Variants in SHQ1 observed in about 807,000 individuals in gnomAD.
The protein encoded by SHQ1 is SHQ1, H/ACA ribonucleoprotein assembly factor.
SHQ1 carries 49 observed loss-of-function variants against 53.8 expected under a neutral mutation model. That is an observed-to-expected ratio of 0.91 (90% CI 0.72 to 1.16). The LOEUF is 1.16. SHQ1 is among the 50% of genes most tolerant of loss of function. The pLI is 0.00. For missense variants in SHQ1, 738 were observed against 683.1 expected, an observed-to-expected ratio of 1.08 and a Z score of -0.90; for synonymous variants, 243 against 251.0, an observed-to-expected ratio of 0.97 and a Z score of 0.30.
the SHQ1 span, among the ~76,000 whole-genome samples, chr3:72,735,749 G>GC: frequency 1.0e-3 from 126 of 124,850 alleles, no homozygotes; most frequent in African/African-American, 3.5e-3. Flanking sequence ...AGGAAGGAAG[G>GC]AAGGCAGGCA....
At chr3:72,765,557 A>T (rs28758987) in intron 10 of SHQ1, among the ~76,000 whole-genome samples, 18,213 of 56,990 alleles carry the variant, frequency 0.32, 2,816 homozygotes, top group African/African-American at 0.35. Flanking sequence ...ATATATATAT[A>T]TTTTTTTTTT....
intron 10 of SHQ1, among the ~76,000 whole-genome samples, chr3:72,759,355 G>A (rs1472947345): frequency 6.6e-6 from 1 of 152,082 alleles, no homozygotes; most frequent in Admixed American, 6.6e-5. Flanking sequence ...AACTTAAAAT[G>A]GAGACCAAAA....
intron 10 of SHQ1, among the ~76,000 whole-genome samples, chr3:72,789,081 TAAA>T (rs1205170855): frequency 1.6e-5 from 1 of 61,684 alleles, no homozygotes. Flanking sequence ...CAATAAACAC[TAAA>T]AAAAAAAAAA....
At chr3:72,783,199 G>C (rs1706122364) in intron 10 of SHQ1, among the ~76,000 whole-genome samples, 1 of 152,020 alleles carries the variant, frequency 6.6e-6, no homozygotes, top group Admixed American at 6.5e-5. Context: ...TATAAAATGG[G>C]CTTGATATAC....
At chr3:72,844,606 A>T (rs1377536853) in intron 1 of SHQ1, among the ~76,000 whole-genome samples, 183 bp from the exon 2 acceptor site, 1 of 152,246 alleles carries the variant, frequency 6.6e-6, no homozygotes, top group African/African-American at 2.4e-5. Context: ...AGTAGAAATT[A>T]GAGATGACTC....
intron 10 of SHQ1, among the ~76,000 whole-genome samples, chr3:72,755,162 G>T (rs936456689): frequency 6.6e-6 from 1 of 152,118 alleles, no homozygotes; most frequent in Non-Finnish European, 1.5e-5. Context: ...ACCAGCTGAT[G>T]CGAACTTTTA....
At chr3:72,747,821 C>T (rs1338704550), downstream of SHQ1, among the ~76,000 whole-genome samples, 1 of 151,758 alleles carries the variant, frequency 6.6e-6, no homozygotes, top group Non-Finnish European at 1.5e-5. Context: ...AAACCCATCT[C>T]TACTAAAAAT....
At chr3:72,754,165 T>C (rs1705449243) in intron 10 of SHQ1, among the ~76,000 whole-genome samples, 1 of 152,188 alleles carries the variant, frequency 6.6e-6, no homozygotes. Flanking sequence ...CTTGCTCCAT[T>C]AACCACCTTG....
intron 10 of SHQ1, among the ~76,000 whole-genome samples, chr3:72,783,130 G>C (rs1706120185): frequency 6.6e-6 from 1 of 152,120 alleles, no homozygotes; most frequent in African/African-American, 2.4e-5. Flanking sequence ...CTACAGCCAA[G>C]TATCAGGGAC....
At chr3:72,797,939 C>T (rs190094838) in intron 9 of SHQ1, among the ~76,000 whole-genome samples, 81 of 152,250 alleles carry the variant, frequency 5.3e-4, no homozygotes, top group African/African-American at 1.9e-3. Context: ...CTATCAGACC[C>T]TCAGCCACTT....
chr3:72,748,893 TGCA>T (rs1328990353), downstream of SHQ1, among the ~76,000 whole-genome samples: 1 of 151,874 alleles, frequency 6.6e-6, no homozygotes, highest in Non-Finnish European at 1.5e-5. Context: ...AGGGTGAGGC[TGCA>T]GCAAGCGGAG....
intron 3 of SHQ1, among the ~76,000 whole-genome samples, chr3:72,841,422 C>T (rs571038409): frequency 2.1e-4 from 32 of 149,650 alleles, no homozygotes; most frequent in South Asian, 1.1e-3. Context: ...TGAAAGCAAA[C>T]GAATCTCAGC....
intron 9 of SHQ1, among the ~76,000 whole-genome samples, chr3:72,795,816 G>A (rs1706594594): frequency 1.3e-5 from 2 of 152,172 alleles, no homozygotes; most frequent in South Asian, 4.1e-4. Flanking sequence ...AGAAAATGCA[G>A]GATTGGGGCT....
At chr3:72,833,452 A>T (rs941403088) in intron 4 of SHQ1, among the ~76,000 whole-genome samples, 1 of 45,982 alleles carries the variant, frequency 2.2e-5, no homozygotes, top group Admixed American at 2.0e-4. Context: ...GATGATAGAT[A>T]GATAGATAGA....
intron 6 of SHQ1, among the ~76,000 whole-genome samples, chr3:72,822,589 T>A (rs1011732128): frequency 6.6e-6 from 1 of 152,158 alleles, no homozygotes; most frequent in Non-Finnish European, 1.5e-5. Flanking sequence ...TACGCAACCA[T>A]CAATTTTCTC....
At chr3:72,819,770 A>T (rs1707421336) in intron 6 of SHQ1, among the ~76,000 whole-genome samples, 2 of 152,232 alleles carry the variant, frequency 1.3e-5, no homozygotes, top group African/African-American at 4.8e-5. Context: ...AAGACAGATA[A>T]ACTGAGTGTT....
intron 6 of SHQ1, among the ~76,000 whole-genome samples, chr3:72,818,877 C>T (rs11924329): frequency 0.05 from 7,644 of 152,220 alleles, 567 homozygotes; most frequent in African/African-American, 0.16. Context: ...TAACAGCCAG[C>T]AACAAAGTAG....
At chr3:72,797,499 G>A (rs1706661526) in intron 9 of SHQ1, among the ~76,000 whole-genome samples, 1 of 152,042 alleles carries the variant, frequency 6.6e-6, no homozygotes, top group Non-Finnish European at 1.5e-5. Flanking sequence ...CAACTACACA[G>A]CCAAACCCTG....
chr3:72,747,382 A>G (rs1238918360), downstream of SHQ1, among the ~76,000 whole-genome samples: 2 of 152,184 alleles, frequency 1.3e-5, no homozygotes, highest in African/African-American at 2.4e-5. Flanking sequence ...GACATAACCA[A>G]AGCAGAAAAA....
Sources: gnomAD v4.1 joint callset for allele counts (sites outside exome capture counted in the v4.1 genomes callset) on GRCh38, gnomAD v4.1.1 for gene constraint, MANE v1.5 for transcripts, NCBI Gene and HGNC (gene_info 2026-07-23, HGNC 2026-07-21) for gene names.